The following IQCM variants were observed in gnomAD, a reference collection of about 807,000 sequenced individuals.
IQCM encodes IQ motif containing M, also known as IQ domain-containing protein M.
IQCM carries 45 observed loss-of-function variants against 57.6 expected under a neutral mutation model. The ratio of observed to expected loss-of-function variants is 0.78; its 90% CI spans 0.62 to 1.00. The LOEUF (loss-of-function observed/expected upper bound fraction) is 1.00, where lower values mean the gene tolerates loss of function less well. Among genes scored for constraint, IQCM ranks in the 50% least tolerant of loss-of-function variants. IQCM has a pLI of 0.00. For synonymous variants in IQCM, 148 were observed against 158.9 expected (o/e 0.93, Z 0.51); for missense variants, 468 against 511.6 (o/e 0.91, Z 0.82).
At chr4:149,688,234 TA>T (rs965264449) in intron 5 of IQCM, among the ~76,000 whole-genome samples, 2 of 151,864 alleles carry the variant, frequency 1.3e-5, no homozygotes, top group South Asian at 4.1e-4. Flanking sequence ...CTAGAACTGA[TA>T]AAAAAATTTC....
chr4:149,739,304 A>C (rs73857735), intron 3 of IQCM, among the ~76,000 whole-genome samples: 1 of 152,050 alleles, frequency 6.6e-6, no homozygotes, highest in African/African-American at 2.4e-5. Context: ...GGATAATAAT[A>C]ATATATGTCA....
chr4:149,379,816 G>T (rs1730953242), intron 13 of IQCM, among the ~76,000 whole-genome samples: 1 of 152,134 alleles, frequency 6.6e-6, no homozygotes, highest in Non-Finnish European at 1.5e-5. Context: ...GGGGCCAAGT[G>T]TGGAATCATA....
chr4:149,541,063 CGATTA>C (rs1747802898), intron 12 of IQCM, among the ~76,000 whole-genome samples: 1 of 151,974 alleles, frequency 6.6e-6, no homozygotes, highest in South Asian at 2.1e-4. Flanking sequence ...TTAAACTTTA[CGATTA>C]GAGTGCCTGT....
At chr4:149,370,963 T>G (rs2110980222) in intron 13 of IQCM, among the ~76,000 whole-genome samples, 2 of 152,076 alleles carry the variant, frequency 1.3e-5, no homozygotes, top group South Asian at 4.2e-4. Context: ...TTTTCCTGCC[T>G]TCTTACCCTT....
chr4:149,411,431 G>A (rs1733376701), intron 13 of IQCM, among the ~76,000 whole-genome samples: 1 of 152,128 alleles, frequency 6.6e-6, no homozygotes, highest in South Asian at 2.1e-4. Context: ...CTCACTATGT[G>A]TCAAGTCTTC....
chr4:149,808,683 TA>T (rs1219083757), intron 2 of IQCM, among the ~76,000 whole-genome samples: 2 of 152,154 alleles, frequency 1.3e-5, no homozygotes, highest in Non-Finnish European at 2.9e-5. Flanking sequence ...CAATGTATCA[TA>T]AAAAATCAAA....
chr4:149,701,967 CACA>C (rs768135337), intron 5 of IQCM, among the ~76,000 whole-genome samples: 1 of 152,042 alleles, frequency 6.6e-6, no homozygotes, highest in South Asian at 2.1e-4. Flanking sequence ...TTTCTAGCCT[CACA>C]ACTTGTCCAT....
At chr4:149,784,469 G>A (rs527934029) in intron 2 of IQCM, among the ~76,000 whole-genome samples, 133 of 152,336 alleles carry the variant, frequency 8.7e-4, no homozygotes, top group African/African-American at 3.0e-3. Flanking sequence ...AGGCTGGAGT[G>A]CAGTGGCGCC....
intron 12 of IQCM, among the ~76,000 whole-genome samples, chr4:149,480,311 T>C (rs1417464648): frequency 6.6e-6 from 1 of 152,206 alleles, no homozygotes; most frequent in Non-Finnish European, 1.5e-5. Context: ...ACTTAAATTA[T>C]TATTGACTAT....
At chr4:149,510,157 T>C (rs1171850549) in intron 12 of IQCM, among the ~76,000 whole-genome samples, 1 of 152,168 alleles carries the variant, frequency 6.6e-6, no homozygotes, top group Non-Finnish European at 1.5e-5. Flanking sequence ...ATTACCACTC[T>C]TTTAAATTTT....
At chr4:149,607,394 A>G (rs1422275330) in intron 8 of IQCM, among the ~76,000 whole-genome samples, 5 of 152,096 alleles carry the variant, frequency 3.3e-5, no homozygotes, top group Admixed American at 6.6e-5. Flanking sequence ...TTCTAAAGGG[A>G]GTTTGTTCAA....
chr4:149,607,559 A>G (rs921612413), intron 8 of IQCM, among the ~76,000 whole-genome samples: 32 of 152,080 alleles, frequency 2.1e-4, no homozygotes, highest in Non-Finnish European at 7.4e-5. Context: ...GACAAATATA[A>G]CAAAAATAAT....
In IQCM at chr4:149,533,694, T is replaced by A. The variant is rs556780427; in HGVS notation, c.1228+14761A>T. Among the ~76,000 whole-genome samples, 74 of 152,106 alleles carry A rather than the reference T, an allele frequency of 4.9e-4. 1 individual carries two copies. The South Asian group carries it at 0.015, about 32-fold the overall frequency. Reference sequence around the variant, plus strand: ...AATGAAGGTGAGGGAAAGCCCCTTATACAGTCATAAGCTCTCATGAGAACT... The same window carrying A: ...AATGAAGGTGAGGGAAAGCCCCTTAAACAGTCATAAGCTCTCATGAGAACT... On this transcript the variant is annotated intron_variant, in intron 12 of 13. Transcript: ENST00000636793.
chr4:149,482,409 G>GT (rs1741007671), intron 12 of IQCM, among the ~76,000 whole-genome samples: 2 of 152,090 alleles, frequency 1.3e-5, no homozygotes, highest in Admixed American at 1.3e-4. Context: ...GATACTAGCT[G>GT]TGAGTCTGTC....
At chr4:149,375,968 A>T (rs1204721603) in intron 13 of IQCM, among the ~76,000 whole-genome samples, 1 of 152,152 alleles carries the variant, frequency 6.6e-6, no homozygotes, top group Non-Finnish European at 1.5e-5. Context: ...ACACAGAGAA[A>T]CCACCTAAAT....
At chr4:149,594,993 T>A (rs1453848082) in intron 8 of IQCM, among the ~76,000 whole-genome samples, 1 of 152,204 alleles carries the variant, frequency 6.6e-6, no homozygotes, top group Non-Finnish European at 1.5e-5. Context: ...AGAGCTGAGT[T>A]CAATTTCTGG....
intron 13 of IQCM, among the ~76,000 whole-genome samples, chr4:149,390,247 G>A (rs188439652): frequency 6.6e-6 from 1 of 151,808 alleles, no homozygotes; most frequent in Non-Finnish European, 1.5e-5. Context: ...CCTTAATTTT[G>A]TTGTTTAATT....
rs1383548561 is a variant in IQCM at position 149,445,501 on chromosome 4, T to A, written c.1229-11944A>T. Among the ~76,000 whole-genome samples the A allele has an allele frequency of 5.3e-5, 8 of 151,938 alleles. No individual in the cohort carries two copies. The East Asian group carries it at 1.5e-3, about 29-fold the overall frequency. ...ACCATCCACCTGATAGTTAAAAATA[T>A]GATCCTAATAAAAGAACCTGGTAAG... On this transcript the variant is annotated intron_variant, in intron 12 of 13. Transcript: ENST00000636793.
intron 5 of IQCM, among the ~76,000 whole-genome samples, chr4:149,703,854 G>GT: frequency 6.6e-6 from 1 of 151,976 alleles, no homozygotes; most frequent in African/African-American, 2.4e-5. Flanking sequence ...TGTTAGAACA[G>GT]TAAAGACAGT....
Sources: gnomAD v4.1 joint callset for allele counts (sites outside exome capture counted in the v4.1 genomes callset) on GRCh38, gnomAD v4.1.1 for gene constraint, MANE v1.5 for transcripts, NCBI Gene and HGNC (gene_info 2026-07-23, HGNC 2026-07-21) for gene names.